Variants in TNN observed in about 807,000 individuals in gnomAD.
The protein encoded by TNN is tenascin N.
TNN carries 122 observed loss-of-function variants against 134.4 expected under a neutral mutation model. The observed-to-expected ratio is 0.91, with a 90% CI of 0.78 to 1.06. TNN has a LOEUF of 1.06. TNN is among the 50% of genes least tolerant of loss of function. TNN has a pLI of 0.00. For synonymous variants in TNN, 710 were observed against 670.3 expected, an observed-to-expected ratio of 1.06 and a Z score of -0.91; for missense variants, 1,739 against 1,699.4, an observed-to-expected ratio of 1.02 and a Z score of -0.41.
chr1:175,120,804 T>C (rs1675354276), intron 11 of TNN, among the ~76,000 whole-genome samples: 1 of 152,200 alleles, frequency 6.6e-6, no homozygotes, highest in Non-Finnish European at 1.5e-5. Context: ...TATTTTTATT[T>C]TTATTTTATT....
At chr1:175,076,341 A>C (rs1674038821) in intron 1 of TNN, among the ~76,000 whole-genome samples, 1 of 152,200 alleles carries the variant, frequency 6.6e-6, no homozygotes, top group African/African-American at 2.4e-5. Flanking sequence ...AACAGTGACC[A>C]AACCTCTCCG....
rs1014296741 is a variant in TNN, at chr1:175,079,474, G to A, written c.551G>A (p.Gly184Glu). The change falls in exon 3 of 19, where the codon GGG becomes GAG. Residue 184 changes from glycine (G) to glutamate (E), a missense_variant. Coordinates refer to ENST00000239462, the MANE Select transcript of TNN (RefSeq NM_022093.2). ...AGCGGCCACGGGCGTTGCGTGGACG[G>A]GCGCTGCCTGTGCCATGAGCCCTAC... ...ACSGHGRCVD[G>E]RCLCHEPYVG... The A allele has an allele frequency of 6.4e-7, 1 of 1,563,142 alleles. No individual in the cohort carries two copies. Among genetic ancestry groups the A allele is most frequent in the Non-Finnish European group, 8.6e-7 (1 of 1,156,278 alleles).
At chr1:175,098,228 C>T in intron 8 of TNN, 104 bp from the exon 9 acceptor site, 1 of 1,531,982 alleles carries the variant, frequency 6.5e-7, no homozygotes, top group Non-Finnish European at 8.9e-7. Flanking sequence ...ATGCCATTGC[C>T]TTGTTCTAAA....
At chr1:175,143,804 G>T (rs752769998) in intron 17 of TNN, among the ~76,000 whole-genome samples, 1 of 152,128 alleles carries the variant, frequency 6.6e-6, no homozygotes, top group African/African-American at 2.4e-5. Context: ...CTGAGATGAT[G>T]AAAATGGACG....
At chr1:175,074,042 C>T (rs1277521832) in intron 1 of TNN, among the ~76,000 whole-genome samples, 4 of 152,170 alleles carry the variant, frequency 2.6e-5, no homozygotes, top group African/African-American at 7.2e-5. Flanking sequence ...CTTCCTCTCT[C>T]TGCCATGCAG....
intron 9 of TNN, among the ~76,000 whole-genome samples, chr1:175,101,716 G>A: frequency 6.7e-6 from 1 of 148,470 alleles, no homozygotes; most frequent in Admixed American, 6.7e-5. Context: ...GATACAGAGT[G>A]TCGATTGGTG....
In TNN at chr1:175,126,133, G is replaced by T. The variant is rs541740755; in HGVS notation, c.2915-822G>T. 3.6e-4 allele frequency among the ~76,000 whole-genome samples: 46 copies of T among 129,560 alleles called. 1 individual carries two copies. Among genetic ancestry groups the T allele is most frequent in the African/African-American group, 1.3e-3 (44 of 33,568 alleles). The allele number at this position is 129,560 out of a possible 152,430, so 85.0% of individuals were successfully genotyped here. A position where few individuals can be genotyped will look rare whatever the true frequency, so the allele number is the denominator to read the frequency against. ...TTTTTTTTTTTTAAGACAGAGTCTT[G>T]CTCTGTCACCCAGGCTGGAGTGCAG... is the stretch of plus-strand genomic sequence containing the variant. On this transcript the variant is annotated intron_variant, in intron 12 of 18. Transcript: ENST00000239462.
intron 13 of TNN, 79 bp from the exon 14 acceptor site, chr1:175,127,953 G>T: frequency 1.3e-6 from 2 of 1,533,980 alleles, no homozygotes; most frequent in South Asian, 1.1e-5. Context: ...ATTAGCACCA[G>T]GGAACGCTGT....
chr1:175,085,874 CA>C lies in TNN; in HGVS notation c.1324+400del, dbSNP rs59186260. On this transcript the variant is annotated intron_variant, in intron 6 of 18. Transcript: ENST00000239462. The stretch of plus-strand genomic sequence containing the variant: ...GGGCAACAAGAGTGAAACTCCATCT[CA>C]AAAAAAAAAAAAAAAAAAAGAGAAT... Among the ~76,000 whole-genome samples the C allele has an allele frequency of 6.7e-3, 546 of 81,526 alleles. 4 individuals are homozygous for C. The highest frequency in any genetic ancestry group is 0.022 in the African/African-American group (472 of 21,126). The allele number at this position is 81,526 out of a possible 152,430, so 53.5% of individuals were successfully genotyped here.
chr1:175,111,104 G>A (rs1191194708), intron 9 of TNN, among the ~76,000 whole-genome samples: 1 of 151,944 alleles, frequency 6.6e-6, no homozygotes, highest in African/African-American at 2.4e-5. Flanking sequence ...GATCACCTGA[G>A]GACAGAAGTT....
chr1:175,137,004 T>C lies in TNN; in HGVS notation c.3595+16T>C, dbSNP rs752860607. 6.8e-6 allele frequency: 11 copies of C among 1,613,210 alleles called. No individual in the cohort carries two copies. The South Asian group carries it at 8.8e-5, about 13-fold the overall frequency. ...GGCACGGCAGGTGAGAAAAAATGTT[T>C]TCTTACTGCGAAGGTCTCTTGCTGT... On this transcript the variant is annotated intron_variant, in intron 17 of 18. Transcript: ENST00000239462.
At chr1:175,137,809 T>C (rs1220361159) in intron 17 of TNN, among the ~76,000 whole-genome samples, 2 of 152,274 alleles carry the variant, frequency 1.3e-5, no homozygotes, top group African/African-American at 4.8e-5. Context: ...AGGAATGTGT[T>C]ACCAGCCAGA....
At chr1:175,068,190 A>G (rs1214438499) in intron 1 of TNN, among the ~76,000 whole-genome samples, 1 of 152,188 alleles carries the variant, frequency 6.6e-6, no homozygotes, top group African/African-American at 2.4e-5. Context: ...CCTGCAACAC[A>G]GATGCGTCTG....
chr1:175,095,482 C>T (rs1308776465), intron 7 of TNN, among the ~76,000 whole-genome samples: 2 of 152,290 alleles, frequency 1.3e-5, no homozygotes, highest in East Asian at 3.9e-4. Flanking sequence ...TAGATTGCCC[C>T]TCCTGGTTTA....
Position 175,079,415 on chromosome 1 carries a change from C to T in TNN, c.492C>T (p.Pro164=), listed in dbSNP as rs779523080. 13 of 1,588,932 alleles carry T rather than the reference C, an allele frequency of 8.2e-6. No homozygotes were observed. The South Asian group carries it at 9.0e-5, about 11-fold the overall frequency. Residue 164 remains proline, a synonymous_variant, in exon 3 of 19, where the codon CCC becomes CCT. Transcript: ENST00000239462. ...ACTGCGAAGAGGGCAGGGAGGGCCC[C>T]GCCTGCGAGCGGCTGGCCTGCCCCG... ...SCHCEEGREG[P]ACERLACPGA...
Position 175,140,280 on chromosome 1 carries a change from T to C in TNN, c.3595+3292T>C, listed in dbSNP as rs532579882. On this transcript the variant is annotated intron_variant, in intron 17 of 18. Coordinates refer to ENST00000239462, the MANE Select transcript of TNN (RefSeq NM_022093.2). ...GTCTGCTCTTGATCATGGCCATCGG[T>C]TAGCCTCAGCCTTTCCTTCTCAGGT... Among the ~76,000 whole-genome samples, 4 of 152,356 alleles carry C rather than the reference T, an allele frequency of 2.6e-5. No homozygotes were observed. The East Asian group carries it at 7.7e-4, about 29-fold the overall frequency.
chr1:175,105,769 T>A (rs532997764), intron 9 of TNN, among the ~76,000 whole-genome samples: 1 of 144,902 alleles, frequency 6.9e-6, no homozygotes, highest in Admixed American at 6.9e-5. Flanking sequence ...ATTTCAAGGG[T>A]GAACCTGTTG....
rs748546693 is a variant in TNN at position 175,136,889 on chromosome 1, A to G, written c.3496A>G (p.Thr1166Ala). ...GTATGAGGTGAGAGTGGATTTACAG[A>G]CTGCCAATGAATCTGCCTATGCTAT... The part of the protein sequence containing the change: ...ARYEVRVDLQ[T>A]ANESAYAIYD... Residue 1166 changes from threonine to alanine, a missense_variant, in exon 17 of 19, where the codon ACT becomes GCT. Coordinates refer to ENST00000239462, the MANE Select transcript of TNN (RefSeq NM_022093.2). 7.4e-6 allele frequency: 12 copies of G among 1,614,084 alleles called. No homozygotes were observed. Among genetic ancestry groups the G allele is most frequent in the Non-Finnish European group, 8.5e-6 (10 of 1,180,040 alleles).
intron 7 of TNN, among the ~76,000 whole-genome samples, chr1:175,096,835 G>C (rs1674582800): frequency 6.6e-6 from 1 of 152,156 alleles, no homozygotes; most frequent in African/African-American, 2.4e-5. Flanking sequence ...GGAAGAGATG[G>C]AGCCCAGGTT....
Sources: allele counts gnomAD v4.1 joint callset (sites outside exome capture counted in the v4.1 genomes callset), GRCh38; gene constraint gnomAD v4.1.1; transcripts MANE v1.5; gene names NCBI Gene and HGNC (gene_info 2026-07-23, HGNC 2026-07-21).